Variants in PARD3B observed in about 807,000 individuals in gnomAD.
PARD3B encodes partitioning defective 3 homolog B.
Under a neutral mutation model 130.2 loss-of-function variants are expected in PARD3B, and 103 were observed. The ratio of observed to expected loss-of-function variants is 0.79; its 90% CI spans 0.67 to 0.93. PARD3B has a LOEUF of 0.93. PARD3B is among the 40% of genes least tolerant of loss of function. PARD3B has a pLI of 0.00. For synonymous variants in PARD3B, 583 were observed against 553.2 expected, an observed-to-expected ratio of 1.05 and a Z score of -0.76; for missense variants, 1,609 against 1,499.2, an observed-to-expected ratio of 1.07 and a Z score of -1.21.
At position 205,258,064 on chromosome 2, in the gene PARD3B, A is replaced by G. The variant is rs561631731; in HGVS notation, c.2185+12242A>G. The stretch of plus-strand genomic sequence containing the variant: ...ACTCTAACTTGAGTTATATTTTCAA[A>G]TATAGTCCCCCAGCAGGCCATTTCA... On this transcript the variant is annotated intron_variant, in intron 16 of 22. Coordinates refer to ENST00000406610, the MANE Select transcript of PARD3B (RefSeq NM_001302769.2). The surrounding 1 kb of genome is among the most constrained non-coding windows in gnomAD (Gnocchi z 4.9). Among the ~76,000 whole-genome samples, 3 of 152,278 alleles carry G rather than the reference A, an allele frequency of 2.0e-5. No individual in the cohort carries two copies. In the South Asian group the frequency reaches 6.2e-4, roughly 32 times the overall value.
intron 21 of PARD3B, among the ~76,000 whole-genome samples, chr2:205,546,324 C>T (rs1418902607): frequency 6.6e-6 from 1 of 152,026 alleles, no homozygotes; most frequent in African/African-American, 2.4e-5. Flanking sequence ...TCTAACGTTA[C>T]ACTGTTGTGT....
At chr2:205,435,355 A>G (rs1166383950) in intron 19 of PARD3B, among the ~76,000 whole-genome samples, 1 of 151,996 alleles carries the variant, frequency 6.6e-6, no homozygotes, top group East Asian at 1.9e-4. Context: ...GCATATTTAG[A>G]CTGTTTCCCA....
chr2:205,185,992 T>A, intron 14 of PARD3B, 129 bp downstream of exon 14: 1 of 737,862 alleles, frequency 1.4e-6, no homozygotes. Context: ...GTATCTATAA[T>A]TCCTTTCCAG....
intron 15 of PARD3B, among the ~76,000 whole-genome samples, chr2:205,237,063 T>C (rs2039094199): frequency 1.3e-5 from 2 of 152,168 alleles, no homozygotes; most frequent in Non-Finnish European, 2.9e-5. Flanking sequence ...ACACAGTGGT[T>C]GATACACAGT....
In PARD3B at chr2:204,631,015, G is replaced by A. The variant is rs10205686; in HGVS notation, c.121-55166G>A. Among the ~76,000 whole-genome samples, 237 of 152,058 alleles carry A rather than the reference G, an allele frequency of 1.6e-3. 2 individuals are homozygous for A. The highest frequency in any genetic ancestry group is 5.6e-3 in the African/African-American group (231 of 41,496). Reference sequence around the variant, plus strand: ...TAGCTTTGGGGTTTGTTTGCTCTTGGTTCTCTGGTTCTTTTAGTTGTGATG... The same window carrying A: ...TAGCTTTGGGGTTTGTTTGCTCTTGATTCTCTGGTTCTTTTAGTTGTGATG... On this transcript the variant is annotated intron_variant, in intron 1 of 22. Coordinates refer to ENST00000406610, the MANE Select transcript of PARD3B (RefSeq NM_001302769.2).
chr2:205,505,609 G>A (rs994044), intron 21 of PARD3B, among the ~76,000 whole-genome samples: 41,246 of 152,088 alleles, frequency 0.27, 7,139 homozygotes, highest in Admixed American at 0.43. Flanking sequence ...AGATATACTA[G>A]CTGTGAAGTG....
intron 2 of PARD3B, among the ~76,000 whole-genome samples, chr2:204,915,570 AGTT>A (rs1327711727): frequency 1.3e-5 from 2 of 152,334 alleles, no homozygotes; most frequent in African/African-American, 2.4e-5. Context: ...TCTAAAATTT[AGTT>A]GTTAAGTATA....
chr2:205,263,494 G>A lies in PARD3B; in HGVS notation c.2185+17672G>A, dbSNP rs2040394646. ...TTCACTTCTTATAAACCTTCAATAT[G>A]GAACAATTATATGACCACATGCAAA... On this transcript the variant is annotated intron_variant, in intron 16 of 22. Transcript: ENST00000406610. This position sits in a 1 kb window ranked among gnomAD's most constrained non-coding sequence, Gnocchi z 4.0. Among the ~76,000 whole-genome samples, 1 of 150,834 alleles carries A rather than the reference G, an allele frequency of 6.6e-6. No individual in the cohort carries two copies. Among genetic ancestry groups the A allele is most frequent in the Non-Finnish European group, 1.5e-5 (1 of 67,584 alleles).
intron 18 of PARD3B, among the ~76,000 whole-genome samples, chr2:205,302,369 G>GAA (rs111939901): frequency 1.3e-5 from 2 of 148,324 alleles, no homozygotes; most frequent in African/African-American, 5.0e-5. Context: ...CTATTTCTAA[G>GAA]AAAAAAAAAA....
chr2:205,066,750 A>G (rs887986973), intron 4 of PARD3B, among the ~76,000 whole-genome samples: 1 of 152,088 alleles, frequency 6.6e-6, no homozygotes, highest in Admixed American at 6.6e-5. Context: ...GCTTTTTTTC[A>G]TTTTGACGGT....
At position 205,381,116 on chromosome 2, in the gene PARD3B, TTATA is replaced by T. The variant is rs36172602; in HGVS notation, c.2631-19891_2631-19888del. On this transcript the variant is annotated intron_variant, in intron 18 of 22. Transcript: ENST00000406610. ...ATATATAATATATAAAGAATATATATTATATATATTATATATAAAGAATATATAA... is the reference window on the plus strand; with the variant it reads ...ATATATAATATATAAAGAATATATATTATATTATATATAAAGAATATATAA... 1.4e-4 allele frequency among the ~76,000 whole-genome samples: 12 copies of T among 84,802 alleles called. No individual in the cohort carries two copies. The Admixed American group carries it at 2.0e-3, about 14-fold the overall frequency. 55.6% of individuals were successfully genotyped at this position (84,802 alleles called of 152,430 possible). A position where few individuals can be genotyped will look rare whatever the true frequency, so the allele number is the denominator to read the frequency against.
intron 2 of PARD3B, among the ~76,000 whole-genome samples, chr2:204,935,265 C>T (rs184108579): frequency 9.3e-5 from 14 of 150,978 alleles, no homozygotes; most frequent in East Asian, 1.9e-4. Context: ...CGCAGTGGCT[C>T]ACGCCTGTAA....
intron 16 of PARD3B, among the ~76,000 whole-genome samples, chr2:205,299,683 G>T (rs1484129267): frequency 6.6e-6 from 1 of 151,684 alleles, no homozygotes; most frequent in Non-Finnish European, 1.5e-5. Context: ...GAGTGGGAGG[G>T]GGCAGGTAGA....
chr2:204,912,262 G>C (rs1228366719), intron 2 of PARD3B, among the ~76,000 whole-genome samples: 2 of 152,178 alleles, frequency 1.3e-5, no homozygotes, highest in Non-Finnish European at 2.9e-5. Context: ...ATGCGTAAGT[G>C]ATGCTAATTC....
intron 2 of PARD3B, among the ~76,000 whole-genome samples, chr2:204,731,527 T>C (rs567652010): frequency 1.3e-5 from 2 of 152,328 alleles, no homozygotes; most frequent in Admixed American, 1.3e-4. Flanking sequence ...TAAAACAGTC[T>C]AGACCCGTTT....
chr2:205,327,729 C>G (rs980037417), intron 18 of PARD3B, among the ~76,000 whole-genome samples: 5 of 152,186 alleles, frequency 3.3e-5, no homozygotes, highest in Non-Finnish European at 7.3e-5. Flanking sequence ...GAGGAATAAG[C>G]TCCACCTCAT....
intron 12 of PARD3B, 107 bp downstream of exon 12, chr2:205,172,488 C>A: frequency 1.7e-6 from 2 of 1,178,496 alleles, no homozygotes; most frequent in Non-Finnish European, 2.3e-6. Context: ...AAAATATGCC[C>A]CAGAAGGGCT....
rs578195528 is a variant in PARD3B at position 205,227,807 on chromosome 2, G to T, written c.2141-17971G>T. Among the ~76,000 whole-genome samples, 13 of 151,944 alleles carry T rather than the reference G, an allele frequency of 8.6e-5. No individual in the cohort carries two copies. The South Asian group carries it at 2.7e-3, about 32-fold the overall frequency. On this transcript the variant is annotated intron_variant, in intron 15 of 22. Coordinates refer to ENST00000406610, the MANE Select transcript of PARD3B (RefSeq NM_001302769.2). ...ACTTTTAGTGACAGTGATTTTCTCT[G>T]GTGGTATGATTTAATTTCTTTCTTT... is the stretch of plus-strand genomic sequence containing the variant.
chr2:205,150,054 G>A (rs1385763804), intron 10 of PARD3B, among the ~76,000 whole-genome samples: 1 of 152,164 alleles, frequency 6.6e-6, no homozygotes, highest in African/African-American at 2.4e-5. Context: ...TGGGCATTAG[G>A]CCTACACCTA....
Sources: gnomAD v4.1 joint callset for allele counts (sites outside exome capture counted in the v4.1 genomes callset) on GRCh38, gnomAD v4.1.1 for gene constraint, Gnocchi (gnomAD v3.1) non-coding constraint, MANE v1.5 for transcripts, NCBI Gene and HGNC (gene_info 2026-07-23, HGNC 2026-07-21) for gene names.